Variants in MYBPC3 observed in about 807,000 individuals in gnomAD.
MYBPC3 encodes myosin-binding protein C, cardiac-type.
MYBPC3 carries 108 observed loss-of-function variants against 159.3 expected under a neutral mutation model. The ratio of observed to expected loss-of-function variants is 0.68; its 90% confidence interval spans 0.58 to 0.80. MYBPC3 has a LOEUF of 0.80. Among genes scored for constraint, MYBPC3 ranks in the 30% least tolerant of loss-of-function variants. The pLI is 0.00. For synonymous variants in MYBPC3, 730 were observed against 702.0 expected, an observed-to-expected ratio of 1.04 and a Z score of -0.63; for missense variants, 1,631 against 1,762.1, an observed-to-expected ratio of 0.93 and a Z score of 1.33.
rs1226495644 is a variant in MYBPC3, at chr11:47,332,642, G to A, written c.3551C>T (p.Thr1184Ile). 1.2e-6 allele frequency: 2 copies of A among 1,613,758 alleles called. No homozygotes were observed. The highest frequency in any genetic ancestry group is 1.7e-5 in the Admixed American group (1 of 59,992). The stretch of plus-strand genomic sequence containing the variant: ...GACCGAGCGGTTCACCAGGGGCTGG[G>A]TGAAGCTTGGGGCCTCGGAGAAGTC... ...ALDFSEAPSF[T>I]QPLVNRSVIA... is the part of the protein sequence containing the mutation. The change falls in exon 32 of 35, where the codon ACC becomes ATC. Residue 1184 changes from threonine (T) to isoleucine (I), a missense_variant. Physicochemically the swap from Thr to Ile is moderately conservative, Grantham distance 89. Coordinates refer to ENST00000545968, the MANE Select transcript of MYBPC3 (RefSeq NM_000256.3). This position sits in a 1 kb window ranked among gnomAD's most constrained non-coding sequence, Gnocchi z 4.2.
intron 17 of MYBPC3, 36 bp from the exon 18 acceptor site, chr11:47,342,192 G>A: frequency 6.2e-7 from 1 of 1,604,438 alleles, no homozygotes; most frequent in Non-Finnish European, 8.5e-7. Flanking sequence ...GCTCGGGAGG[G>A]TGTGTGGGTG....
chr11:47,351,427 C>T lies in MYBPC3; in HGVS notation c.104G>A (p.Arg35Gln), dbSNP rs397515885. The change falls in exon 2 of 35, where the codon CGG (arginine) becomes CAG (glutamine). Residue 35 changes from arginine (R) to glutamine (Q), a missense_variant. By Grantham distance (43) the Arg-to-Gln change is conservative. Transcript: ENST00000545968. The surrounding 1 kb of genome is among the most constrained non-coding windows in gnomAD (Gnocchi z 4.2). ...SPAVFEAETE[R>Q]AGVKVRWQRG... Reference sequence around the variant, plus strand: ...CTGCCAGCGCACCTTCACTCCTGCCCGCTCTGTCTCGGCCTCGAACACGGC... The same window carrying T: ...CTGCCAGCGCACCTTCACTCCTGCCTGCTCTGTCTCGGCCTCGAACACGGC... 106 of 1,609,824 alleles carry T rather than the reference C, an allele frequency of 6.6e-5. No homozygotes were observed. The highest frequency in any genetic ancestry group is 2.0e-4 in the East Asian group (9 of 44,710).
intron 1 of MYBPC3, 126 bp downstream of exon 1, chr11:47,352,497 C>G (rs755617737): frequency 8.0e-5 from 98 of 1,232,378 alleles, no homozygotes; most frequent in Non-Finnish European, 1.0e-4. Flanking sequence ...GACTGGCTGC[C>G]CCTGTCCTGG....
chr11:47,341,185 A>C lies in MYBPC3; in HGVS notation c.1850T>G (p.Val617Gly), dbSNP rs898001027. 3.8e-6 allele frequency: 6 copies of C among 1,590,810 alleles called. No homozygotes were observed. Among genetic ancestry groups the C allele is most frequent in the Non-Finnish European group, 5.1e-6 (6 of 1,168,844 alleles). The change falls in exon 19 of 35, where the codon GTG (valine) becomes GGG (glycine). Residue 617 changes from valine (V) to glycine (G), a missense_variant. Val to Gly is a moderately radical substitution (Grantham distance 109, BLOSUM62 -3). Coordinates refer to ENST00000545968, the MANE Select transcript of MYBPC3 (RefSeq NM_000256.3). ...CAGGTTGCAGGCGAAGCCCTCGGGC[A>C]CAAAGCTGTAGTCAGCCTCGTCGGC... ...TPADEADYSF[V>G]PEGFACNLSA...
chr11:47,350,502 C>G lies in MYBPC3; in HGVS notation c.406G>C (p.Gly136Arg), dbSNP rs730880613. The change falls in exon 3 of 35, where the codon GGG (glycine) becomes CGG (arginine). Residue 136 changes from glycine (G) to arginine (R), a missense_variant and splice_region_variant. Physicochemically the swap from Gly to Arg is moderately radical, Grantham distance 125. Coordinates refer to ENST00000545968, the MANE Select transcript of MYBPC3 (RefSeq NM_000256.3). Reference sequence around the variant, plus strand: ...CCCCTCCCTGCCCAGCCCCTCTCACCTTTGGGACTTGGGGCACTTTCTCCC... The same window carrying G: ...CCCCTCCCTGCCCAGCCCCTCTCACGTTTGGGACTTGGGGCACTTTCTCCC... ...ELGESAPSPKGSSSAALNGPT... is the reference protein window; with the variant it reads ...ELGESAPSPKRSSSAALNGPT... 1.3e-6 allele frequency: 2 copies of G among 1,558,182 alleles called. No homozygotes were observed. Among genetic ancestry groups the G allele is most frequent in the East Asian group, 2.4e-5 (1 of 42,030 alleles).
Position 47,332,014 on chromosome 11 carries a change from GT to G in MYBPC3, c.3814+57del. 2 of 1,598,248 alleles carry G rather than the reference GT, an allele frequency of 1.3e-6. No homozygotes were observed. The highest frequency in any genetic ancestry group is 4.5e-5 in the East Asian group (2 of 44,428). On this transcript the variant is annotated intron_variant, in intron 33 of 34. Coordinates refer to ENST00000545968, the MANE Select transcript of MYBPC3 (RefSeq NM_000256.3). This position sits in a 1 kb window ranked among gnomAD's most constrained non-coding sequence, Gnocchi z 4.2. ...CGAGGACAACGGAGCAAAGCCCAGG[GT>G]CCCCACTGCCGCCCGCTCTTCCCAT...
intron 2 of MYBPC3, among the ~76,000 whole-genome samples, chr11:47,350,915 A>C (rs1437863702): frequency 1.3e-5 from 2 of 151,302 alleles, no homozygotes; most frequent in Non-Finnish European, 2.9e-5. Flanking sequence ...ACTGGGCTGC[A>C]CTCCCCTCAT....
chr11:47,339,704 G>A lies in MYBPC3; in HGVS notation c.2014C>T (p.Pro672Ser). The A allele has an allele frequency of 1.2e-6, 2 of 1,613,716 alleles. No individual in the cohort carries two copies. Among genetic ancestry groups the A allele is most frequent in the Non-Finnish European group, 1.7e-6 (2 of 1,179,718 alleles). ...VAGNKLRLDV[P>S]ISGDPAPTVI... Reference sequence around the variant, plus strand: ...GTGGGAGCAGGGTCCCCAGAGATAGGGACGTCCAGACGTAGCTTATTTCCA... The same window carrying A: ...GTGGGAGCAGGGTCCCCAGAGATAGAGACGTCCAGACGTAGCTTATTTCCA... The change falls in exon 21 of 35, where the codon CCT becomes TCT. Residue 672 changes from proline to serine, a missense_variant. Coordinates refer to ENST00000545968, the MANE Select transcript of MYBPC3 (RefSeq NM_000256.3).
At position 47,332,025 on chromosome 11, in the gene MYBPC3, C is replaced by T. The variant is rs1306342100; in HGVS notation, c.3814+47G>A. On this transcript the variant is annotated intron_variant, in intron 33 of 34. Transcript: ENST00000545968. The surrounding 1 kb of genome is among the most constrained non-coding windows in gnomAD (Gnocchi z 4.2). ...GAGCAAAGCCCAGGGTCCCCACTGC[C>T]GCCCGCTCTTCCCATCTCCCAGGCC... is the stretch of plus-strand genomic sequence containing the variant. The T allele has an allele frequency of 1.1e-5, 18 of 1,599,686 alleles. No individual in the cohort carries two copies. The highest frequency in any genetic ancestry group is 5.4e-5 in the African/African-American group (4 of 74,644).
At chr11:47,348,749 A>G (rs540145223) in intron 5 of MYBPC3, among the ~76,000 whole-genome samples, 2 of 151,226 alleles carry the variant, frequency 1.3e-5, no homozygotes, top group South Asian at 4.2e-4. Flanking sequence ...ACTAAAAATA[A>G]CGAAAATTAG....
At chr11:47,343,688 A>ACTGTGG in intron 12 of MYBPC3, 64 bp from the exon 13 acceptor site, 1 of 1,493,820 alleles carries the variant, frequency 6.7e-7, no homozygotes, top group South Asian at 1.3e-5. Context: ...AGGCCAAGCT[A>ACTGTGG]CTGTGGCTGT....
At chr11:47,348,029 C>T in intron 6 of MYBPC3, 124 bp from the exon 7 acceptor site, 1 of 952,958 alleles carries the variant, frequency 1.0e-6, no homozygotes. Context: ...TGAGGCTGGG[C>T]ATCTGCCCCA....
chr11:47,339,360 G>T lies in MYBPC3; in HGVS notation c.2112C>A (p.Asp704Glu). The T allele has an allele frequency of 6.2e-7, 1 of 1,614,030 alleles. No homozygotes were observed. Among genetic ancestry groups the T allele is most frequent in the East Asian group, 2.2e-5 (1 of 44,884 alleles). Residue 704 changes from aspartate to glutamate, a missense_variant, in exon 22 of 35, where the codon GAC (aspartate) becomes GAA (glutamate). Asp to Glu is a conservative substitution (Grantham distance 45, BLOSUM62 2). Transcript: ENST00000545968. ...PARPAPDAPE[D>E]TGDSDEWVFD... Reference sequence around the variant, plus strand: ...ACACCCACTCATCGCTGTCACCTGTGTCCTCTGGGGCATCTGGGGCTGGCC... The same window carrying T: ...ACACCCACTCATCGCTGTCACCTGTTTCCTCTGGGGCATCTGGGGCTGGCC...
intron 5 of MYBPC3, 57 bp downstream of exon 5, chr11:47,349,717 C>T: frequency 3.8e-6 from 6 of 1,571,790 alleles, no homozygotes; most frequent in African/African-American, 1.3e-5. Context: ...TGCCTTGTGC[C>T]TTCTAGGGCT....
Position 47,346,777 on chromosome 11 carries a change from G to A in MYBPC3, c.909-133C>T, listed in dbSNP as rs1411867262. 2 of 986,600 alleles carry A rather than the reference G, an allele frequency of 2.0e-6. No individual in the cohort carries two copies. The highest frequency in any genetic ancestry group is 4.9e-5 in the Admixed American group (2 of 40,946). 61.1% of individuals were successfully genotyped at this position (986,600 alleles called of 1,614,324 possible). A position where few individuals can be genotyped will look rare whatever the true frequency, so the allele number is the denominator to read the frequency against. ...TTTCCGCACTTGCACTCCCTGTGTT[G>A]TGGGGCACCCATGCTGCTCCGGAGG... On this transcript the variant is annotated intron_variant, in intron 10 of 34. Transcript: ENST00000545968. This position sits in a 1 kb window ranked among gnomAD's most constrained non-coding sequence, Gnocchi z 5.3.
Position 47,333,600 on chromosome 11 carries a change from A to G in MYBPC3, c.3147T>C (p.Ile1049=). 1.2e-6 allele frequency: 2 copies of G among 1,602,884 alleles called. No homozygotes were observed. Among genetic ancestry groups the G allele is most frequent in the South Asian group, 2.2e-5 (2 of 91,092 alleles). ...HSGTYQVTVR[I]ENMEDKATLV... ...GCGTGGCCTTGTCCTCCATGTTCTC[A>G]ATGCGCACCGTCACCTGGTAAGTGC... Residue 1049 remains isoleucine, a synonymous_variant, in exon 29 of 35, where the codon ATT becomes ATC. Coordinates refer to ENST00000545968, the MANE Select transcript of MYBPC3 (RefSeq NM_000256.3).
chr11:47,347,810 C>G (rs2095895888), intron 7 of MYBPC3, 47 bp downstream of exon 7: 1 of 1,551,576 alleles, frequency 6.4e-7, no homozygotes, highest in African/African-American at 1.4e-5. Context: ...TGAAGGGCCT[C>G]AGACTCCAGC....
At position 47,351,540 on chromosome 11, in the gene MYBPC3, G is replaced by T. The variant is rs946289934; in HGVS notation, c.26-35C>A. 8 of 1,544,428 alleles carry T rather than the reference G, an allele frequency of 5.2e-6. No individual in the cohort carries two copies. The highest frequency in any genetic ancestry group is 7.0e-6 in the Non-Finnish European group (8 of 1,141,436). ...CAGGTGGAGGCTACAGCGGCCCCTG[G>T]TTGGAGCGTGCACCCCGCCCCTGCA... On this transcript the variant is annotated intron_variant, in intron 1 of 34. Transcript: ENST00000545968. This position sits in a 1 kb window ranked among gnomAD's most constrained non-coding sequence, Gnocchi z 4.2.
rs1373991646 is a variant in MYBPC3 at position 47,343,272 on chromosome 11, A to T, written c.1224-10T>A. On this transcript the variant is annotated splice_polypyrimidine_tract_variant and intron_variant, in intron 13 of 34. Coordinates refer to ENST00000545968, the MANE Select transcript of MYBPC3 (RefSeq NM_000256.3). ...GAGGGGAACTTACTTGCTGTAGAAC[A>T]GAAGGGGCCGTTGAAGTGTTCCCGA... 1 of 1,556,316 alleles carries T rather than the reference A, an allele frequency of 6.4e-7. No homozygotes were observed.
Sources: gnomAD v4.1 joint callset for allele counts (sites outside exome capture counted in the v4.1 genomes callset) on GRCh38, gnomAD v4.1.1 for gene constraint, Gnocchi (gnomAD v3.1) non-coding constraint, MANE v1.5 for transcripts, NCBI Gene and HGNC (gene_info 2026-07-23, HGNC 2026-07-21) for gene names.